Variants in CCDC57 observed in about 807,000 individuals in gnomAD.
The protein encoded by CCDC57 is coiled-coil domain containing 57, also known as coiled-coil domain-containing protein 57.
CCDC57 carries 118 observed loss-of-function variants against 118.9 expected under a neutral mutation model. That is an observed-to-expected ratio of 0.99 (90% CI 0.86 to 1.16). The LOEUF is 1.16. CCDC57 is among the 50% of genes most tolerant of loss of function. The probability of loss-of-function intolerance (pLI) is 0.00; values close to 1 mark genes in which losing one functional copy is unlikely to be tolerated. For missense variants in CCDC57, 1,300 were observed against 1,320.7 expected (o/e 0.98, Z 0.24); for synonymous variants, 527 against 532.9 (o/e 0.99, Z 0.15).
At chr17:82,173,043 C>T (rs2146283978) in intron 11 of CCDC57, among the ~76,000 whole-genome samples, 183 bp from the exon 11 acceptor site, 1 of 152,180 alleles carries the variant, frequency 6.6e-6, no homozygotes, top group African/African-American at 2.4e-5. Flanking sequence ...GCAAATATGA[C>T]ACTCAAATTC....
intron 14 of CCDC57, among the ~76,000 whole-genome samples, chr17:82,162,218 C>T (rs2043426670): frequency 6.6e-6 from 1 of 152,242 alleles, no homozygotes; most frequent in African/African-American, 2.4e-5. Context: ...AGGCTGGTCT[C>T]GAACTCCTGA....
chr17:82,134,400 C>G, intron 16 of CCDC57: 1 of 407,518 alleles, frequency 2.5e-6, no homozygotes, highest in Non-Finnish European at 4.2e-6. Flanking sequence ...CAATGCCACG[C>G]CCCTGCCACA....
chr17:82,209,725 G>A (rs1276055765), intron 1 of CCDC57, among the ~76,000 whole-genome samples: 1 of 152,106 alleles, frequency 6.6e-6, no homozygotes, highest in African/African-American at 2.4e-5. Context: ...CACCTCAAGC[G>A]ATTTTCCCCC....
At chr17:82,108,547 T>C (rs1182248280) in intron 19 of CCDC57, among the ~76,000 whole-genome samples, 1 of 152,158 alleles carries the variant, frequency 6.6e-6, no homozygotes, top group East Asian at 1.9e-4. Flanking sequence ...CACAGGGTAG[T>C]GCATGTGACG....
chr17:82,134,116 C>A (rs141263358), exon 17 of CCDC57: 4 of 1,417,246 alleles, frequency 2.8e-6, no homozygotes, highest in East Asian at 3.0e-5. Flanking sequence ...AGGTGGGCTG[C>A]GATCCAAAGG....
intron 1 of CCDC57, among the ~76,000 whole-genome samples, chr17:82,211,731 C>G (rs954539386): frequency 6.6e-6 from 1 of 152,050 alleles, no homozygotes; most frequent in Non-Finnish European, 1.5e-5. Flanking sequence ...CGCTTGCAGC[C>G]CCTTGTCCCC....
At chr17:82,181,794 T>C (rs1382800991) in intron 9 of CCDC57, among the ~76,000 whole-genome samples, 4 of 151,708 alleles carry the variant, frequency 2.6e-5, no homozygotes, top group African/African-American at 7.3e-5. Flanking sequence ...AATGGAAGAG[T>C]TTAACGAAGA....
intron 16 of CCDC57, among the ~76,000 whole-genome samples, chr17:82,139,244 G>A (rs1028142886): frequency 6.6e-6 from 1 of 152,222 alleles, no homozygotes; most frequent in South Asian, 2.1e-4. Context: ...ACAAGCAAAT[G>A]TTCCTTCTCA....
chr17:82,127,562 C>T (rs759068085), intron 19 of CCDC57, 130 bp downstream of exon 18: 20 of 1,447,960 alleles, frequency 1.4e-5, no homozygotes, highest in Middle Eastern at 1.8e-4. Flanking sequence ...CCATGCATTA[C>T]TCAACCAAAG....
chr17:82,131,239 T>C (rs139576168), intron 17 of CCDC57, among the ~76,000 whole-genome samples: 2,980 of 148,496 alleles, frequency 0.02, 99 homozygotes, highest in African/African-American at 0.068. Context: ...GAGACCAGCC[T>C]GGGCAACATG....
chr17:82,119,789 G>A (rs1364336157), intron 19 of CCDC57, among the ~76,000 whole-genome samples: 1 of 152,070 alleles, frequency 6.6e-6, no homozygotes, highest in African/African-American at 2.4e-5. Context: ...GGCCCCAGCA[G>A]TCTGTGTGGG....
chr17:82,145,022 T>A (rs1377188556), intron 16 of CCDC57, among the ~76,000 whole-genome samples: 2 of 105,672 alleles, frequency 1.9e-5, no homozygotes, highest in South Asian at 3.7e-4. Context: ...TTCTTTTTTT[T>A]TTTCTTTTTT....
intron 19 of CCDC57, among the ~76,000 whole-genome samples, chr17:82,120,347 A>T (rs2036511139): frequency 1.3e-5 from 2 of 152,014 alleles, no homozygotes; most frequent in Admixed American, 1.3e-4. Flanking sequence ...TGTTACCCAC[A>T]ATGCATGGAA....
chr17:82,180,534 G>A (rs1032229652), intron 9 of CCDC57, among the ~76,000 whole-genome samples: 1 of 152,192 alleles, frequency 6.6e-6, no homozygotes, highest in Non-Finnish European at 1.5e-5. Context: ...GGAGTGCAGT[G>A]GCGTGATGTT....
intron 17 of CCDC57, among the ~76,000 whole-genome samples, chr17:82,129,633 C>T (rs2038026082): frequency 1.3e-5 from 2 of 152,210 alleles, no homozygotes; most frequent in African/African-American, 4.8e-5. Context: ...CCCCGGGCTT[C>T]GTCCCCAGTA....
chr17:82,127,902 G>A (rs2037704797), exon 19 of CCDC57: 2 of 1,611,848 alleles, frequency 1.2e-6, no homozygotes, highest in African/African-American at 1.3e-5. Context: ...TGGATGCTGT[G>A]TTGTGTCTAG....
Position 82,184,289 on chromosome 17 carries a change from C to T in CCDC57, c.1053-357G>A, listed in dbSNP as rs184727943. 1.0e-3 allele frequency among the ~76,000 whole-genome samples: 152 copies of T among 152,048 alleles called. 1 individual carries two copies. The highest frequency in any genetic ancestry group is 3.5e-3 in the African/African-American group (147 of 41,472). On this transcript the variant is annotated intron_variant, in intron 8 of 19. Transcript: ENST00000665763. ...GACATGCCTCCCATGCCCACAGAGC[C>T]CACAGTCATGAGGTAGCAACACCTC...
At chr17:82,168,675 T>A (rs1016549569) in intron 13 of CCDC57, among the ~76,000 whole-genome samples, 1 of 151,998 alleles carries the variant, frequency 6.6e-6, no homozygotes, top group African/African-American at 2.4e-5. Flanking sequence ...ACCACGCGAA[T>A]GCTAATCAAA....
At chr17:82,147,931 G>A (rs1409101329) in intron 16 of CCDC57, among the ~76,000 whole-genome samples, 1 of 68,040 alleles carries the variant, frequency 1.5e-5, no homozygotes, top group Non-Finnish European at 2.8e-5. Flanking sequence ...AGATGGATGG[G>A]TGGGTGGGTG....
Sources: allele counts gnomAD v4.1 joint callset (sites outside exome capture counted in the v4.1 genomes callset), GRCh38; gene constraint gnomAD v4.1.1; transcripts MANE v1.5; gene names NCBI Gene and HGNC (gene_info 2026-07-23, HGNC 2026-07-21).